The following LRRIQ1 variants were observed in gnomAD, a reference collection of about 807,000 sequenced individuals.
LRRIQ1 encodes the protein leucine rich repeats and IQ motif containing 1.
A neutral mutation model predicts 211.9 loss-of-function variants in LRRIQ1; 210 were observed. The observed-to-expected ratio is 0.99, with a 90% confidence interval of 0.89 to 1.11. LRRIQ1 has a LOEUF of 1.11. LRRIQ1 is among the 50% of genes most tolerant of loss of function. The pLI, the probability that LRRIQ1 is intolerant of heterozygous loss-of-function variation, is 0.00. For missense variants in LRRIQ1, 2,136 were observed against 1,939.5 expected (o/e 1.10, Z -1.90); for synonymous variants, 699 against 650.1 (o/e 1.08, Z -1.14).
At chr12:85,073,192 T>A in intron 11 of LRRIQ1, 94 bp downstream of exon 11, 1 of 775,230 alleles carries the variant, frequency 1.3e-6, no homozygotes, top group Non-Finnish European at 2.0e-6. Context: ...ATCATCTCCT[T>A]TATTTTTTTA....
At chr12:85,183,910 T>C (rs1892108731) in intron 24 of LRRIQ1, among the ~76,000 whole-genome samples, 2 of 152,092 alleles carry the variant, frequency 1.3e-5, no homozygotes, top group African/African-American at 4.8e-5. Context: ...TTCTTAAAAT[T>C]ACATACAGGC....
chr12:85,107,154 TC>T (rs568335283), intron 15 of LRRIQ1, among the ~76,000 whole-genome samples: 71 of 152,218 alleles, frequency 4.7e-4, no homozygotes, highest in African/African-American at 1.5e-3. Flanking sequence ...AAAAAAGTTT[TC>T]TCATTTACAC....
intron 15 of LRRIQ1, among the ~76,000 whole-genome samples, chr12:85,111,299 G>A (rs1420850096): frequency 6.6e-6 from 1 of 152,102 alleles, no homozygotes; most frequent in Non-Finnish European, 1.5e-5. Context: ...TTTCACAGGT[G>A]GCAGTCATCA....
At position 85,124,492 on chromosome 12, in the gene LRRIQ1, A is replaced by G. The variant is rs1888226864; in HGVS notation, c.3980A>G (p.His1327Arg). 2.5e-6 allele frequency: 4 copies of G among 1,612,740 alleles called. No individual in the cohort carries two copies. The highest frequency in any genetic ancestry group is 3.4e-6 in the Non-Finnish European group (4 of 1,179,878). The change falls in exon 17 of 27, where the codon CAC becomes CGC. Residue 1327 changes from histidine (H) to arginine (R), a missense_variant. Transcript: ENST00000393217. ...VVMTNSLLRN[H>R]QNIEPSEKIM... Reference sequence around the variant, plus strand: ...ATGACAAATTCTTTGCTGAGGAATCACCAAAATATTGAGCCTAGTGAAAAA... The same window carrying G: ...ATGACAAATTCTTTGCTGAGGAATCGCCAAAATATTGAGCCTAGTGAAAAA...
chr12:85,173,838 A>G (rs764320535), intron 24 of LRRIQ1, among the ~76,000 whole-genome samples: 5 of 152,102 alleles, frequency 3.3e-5, no homozygotes, highest in Non-Finnish European at 7.4e-5. Context: ...GGGGGTACAC[A>G]AATATTTAGA....
chr12:85,207,203 C>G (rs183456297), intron 24 of LRRIQ1, among the ~76,000 whole-genome samples: 92 of 152,060 alleles, frequency 6.1e-4, no homozygotes, highest in Non-Finnish European at 1.2e-3. Context: ...TAGCCTTGTG[C>G]AGAGTTCCCA....
At chr12:85,133,549 T>A (rs1312963870) in intron 18 of LRRIQ1, among the ~76,000 whole-genome samples, 1 of 152,120 alleles carries the variant, frequency 6.6e-6, no homozygotes, top group East Asian at 1.9e-4. Context: ...AGGAAGCTGC[T>A]GAAATAGATG....
intron 24 of LRRIQ1, among the ~76,000 whole-genome samples, chr12:85,211,059 A>G (rs1395324747): frequency 6.6e-6 from 1 of 152,214 alleles, no homozygotes; most frequent in African/African-American, 2.4e-5. Flanking sequence ...GCTGATGCTC[A>G]TATTTCTTCT....
chr12:85,038,375 G>A, intron 2 of LRRIQ1, 67 bp downstream of exon 2: 1 of 1,264,776 alleles, frequency 7.9e-7, no homozygotes, highest in Non-Finnish European at 1.0e-6. Context: ...ACTTTTCTCA[G>A]GATGTTTTTA....
intron 26 of LRRIQ1, among the ~76,000 whole-genome samples, chr12:85,234,735 A>G (rs1163057135): frequency 6.6e-6 from 1 of 152,214 alleles, no homozygotes; most frequent in Non-Finnish European, 1.5e-5. Flanking sequence ...TGTTACTAGT[A>G]TAAGATTCTT....
intron 26 of LRRIQ1, among the ~76,000 whole-genome samples, chr12:85,238,137 T>A (rs1166300099): frequency 6.8e-6 from 1 of 146,326 alleles, no homozygotes; most frequent in African/African-American, 2.5e-5. Flanking sequence ...GAAAAAAAAA[T>A]AATGGCTGGA....
intron 26 of LRRIQ1, among the ~76,000 whole-genome samples, chr12:85,238,712 A>G (rs1259348411): frequency 6.6e-6 from 1 of 152,148 alleles, no homozygotes; most frequent in Admixed American, 6.6e-5. Context: ...GTAAAAATTC[A>G]TAGAAAATTA....
chr12:85,188,386 T>A (rs1023320810), intron 24 of LRRIQ1, among the ~76,000 whole-genome samples: 1 of 152,144 alleles, frequency 6.6e-6, no homozygotes, highest in Admixed American at 6.6e-5. Flanking sequence ...GAACACAGAA[T>A]GCATAAACAG....
intron 1 of LRRIQ1, among the ~76,000 whole-genome samples, chr12:85,258,280 C>T (rs552615240): frequency 4.6e-5 from 7 of 151,516 alleles, no homozygotes; most frequent in East Asian, 1.9e-4. Context: ...AAGTGATTTT[C>T]GTATTTATAT....
chr12:85,054,231 A>G (rs1880701285), intron 7 of LRRIQ1, among the ~76,000 whole-genome samples: 1 of 152,170 alleles, frequency 6.6e-6, no homozygotes, highest in Non-Finnish European at 1.5e-5. Flanking sequence ...GCGATACACA[A>G]TTTCCAAGGA....
intron 26 of LRRIQ1, among the ~76,000 whole-genome samples, chr12:85,236,411 A>G (rs1291699250): frequency 6.6e-6 from 1 of 152,134 alleles, no homozygotes; most frequent in Non-Finnish European, 1.5e-5. Context: ...AATACATTAG[A>G]AAAATAATAT....
chr12:85,171,987 G>A (rs1891441749), intron 24 of LRRIQ1, among the ~76,000 whole-genome samples: 2 of 152,304 alleles, frequency 1.3e-5, no homozygotes, highest in South Asian at 2.1e-4. Context: ...TAGCTTCAAA[G>A]TGCTAAAATA....
intron 24 of LRRIQ1, among the ~76,000 whole-genome samples, chr12:85,167,331 C>A (rs1039536322): frequency 1.1e-4 from 16 of 152,134 alleles, no homozygotes; most frequent in Non-Finnish European, 2.9e-5. Flanking sequence ...CTAACACGAT[C>A]ACAGAGTGAA....
Position 85,056,197 on chromosome 12 carries a change from T to C in LRRIQ1, c.1404T>C (p.Ser468=). The part of the protein sequence containing the change: ...KESIQVKLKE[S]ISSQTILADF... ...CAATACAAGTAAAGTTAAAAGAATC[T>C]ATATCAAGCCAAACAATTCTGGCAG... Residue 468 remains serine (S), a synonymous_variant, in exon 8 of 27, where the codon TCT becomes TCC. Transcript: ENST00000393217. 6.4e-7 allele frequency: 1 copy of C among 1,572,566 alleles called. No individual in the cohort carries two copies. Among genetic ancestry groups the C allele is most frequent in the South Asian group, 1.2e-5 (1 of 82,566 alleles).
Sources: gnomAD v4.1 joint callset for allele counts (sites outside exome capture counted in the v4.1 genomes callset) on GRCh38, gnomAD v4.1.1 for gene constraint, MANE v1.5 for transcripts, NCBI Gene and HGNC (gene_info 2026-07-23, HGNC 2026-07-21) for gene names.